The following MTMR7 variants were observed in gnomAD, a reference collection of about 807,000 sequenced individuals.
MTMR7 encodes the protein myotubularin related protein 7.
MTMR7 carries 76 observed loss-of-function variants against 81.2 expected under a neutral mutation model. The ratio of observed to expected loss-of-function variants is 0.94; its 90% CI spans 0.78 to 1.13. MTMR7 has a LOEUF of 1.13. Ranked by LOEUF, MTMR7 falls within the 50% of genes most tolerant of loss-of-function variation. MTMR7 has a pLI of 0.00. For missense variants in MTMR7, 1,044 were observed against 820.0 expected (o/e 1.27, Z -3.34); for synonymous variants, 372 against 289.8 (o/e 1.28, Z -2.88).
intron 5 of MTMR7, chr8:17,346,169 T>C (rs958449076): frequency 6.6e-6 from 1 of 152,144 alleles, no homozygotes; most frequent in African/African-American, 2.4e-5. Flanking sequence ...CCTAGTCAAA[T>C]CAGAAGCATT....
intron 4 of MTMR7, among the ~76,000 whole-genome samples, chr8:17,358,532 G>A (rs537469070): frequency 2.0e-5 from 3 of 152,162 alleles, no homozygotes; most frequent in African/African-American, 4.8e-5. Context: ...AGATAAATGC[G>A]AAATTTCACA....
chr8:17,374,825 T>A (rs1339479593), intron 1 of MTMR7, among the ~76,000 whole-genome samples: 1 of 150,334 alleles, frequency 6.7e-6, no homozygotes, highest in African/African-American at 2.5e-5. Flanking sequence ...AAAAAATAAA[T>A]AGGCCAGGCA....
At chr8:17,355,243 T>G (rs567568586) in intron 4 of MTMR7, among the ~76,000 whole-genome samples, 1 of 152,316 alleles carries the variant, frequency 6.6e-6, no homozygotes, top group East Asian at 1.9e-4. Context: ...GGATTTTCCT[T>G]TCTTTCAAGG....
intron 7 of MTMR7, among the ~76,000 whole-genome samples, chr8:17,320,930 C>G (rs1247938074): frequency 6.6e-6 from 1 of 152,220 alleles, no homozygotes; most frequent in African/African-American, 2.4e-5. Context: ...TACACACATT[C>G]CACTGCGTGA....
In MTMR7 at chr8:17,300,043, G is replaced by C. The variant is rs757206258; in HGVS notation, c.1802C>G (p.Ser601Cys). 2 of 1,614,142 alleles carry C rather than the reference G, an allele frequency of 1.2e-6. No individual in the cohort carries two copies. Among genetic ancestry groups the C allele is most frequent in the Non-Finnish European group, 1.7e-6 (2 of 1,180,020 alleles). ...SRSPSQGDED[S>C]ALILTQDNLK... Reference sequence around the variant, plus strand: ...ATTGTCTTGGGTTAGAATCAGAGCAGAATCTTCATCGCCTTGTGAAGGGCT... The same window carrying C: ...ATTGTCTTGGGTTAGAATCAGAGCACAATCTTCATCGCCTTGTGAAGGGCT... The change falls in exon 14 of 14, where the codon TCT becomes TGT. Residue 601 changes from serine to cysteine, a missense_variant. Ser to Cys is a moderately radical substitution (Grantham distance 112). Transcript: ENST00000180173.
intron 1 of MTMR7, among the ~76,000 whole-genome samples, chr8:17,375,607 G>C (rs1034546962): frequency 6.6e-6 from 1 of 151,750 alleles, no homozygotes; most frequent in African/African-American, 2.4e-5. Context: ...GCTACTGGGT[G>C]ATCAGCATTT....
chr8:17,365,946 G>C (rs1334826984), intron 3 of MTMR7, among the ~76,000 whole-genome samples: 1 of 152,156 alleles, frequency 6.6e-6, no homozygotes, highest in African/African-American at 2.4e-5. Flanking sequence ...CAAACACAGA[G>C]ATCCATGTTT....
intron 1 of MTMR7, among the ~76,000 whole-genome samples, chr8:17,385,846 T>G (rs1183159861): frequency 6.6e-6 from 1 of 152,122 alleles, no homozygotes; most frequent in African/African-American, 2.4e-5. Context: ...AGTACAAACT[T>G]TGGAACCATG....
chr8:17,367,598 A>G (rs1439107831), intron 3 of MTMR7, among the ~76,000 whole-genome samples: 1 of 152,234 alleles, frequency 6.6e-6, no homozygotes, highest in Admixed American at 6.5e-5. Flanking sequence ...AATTGTTATC[A>G]ATCTTTATTC....
chr8:17,353,833 C>T (rs374859917), intron 4 of MTMR7, among the ~76,000 whole-genome samples: 54 of 152,296 alleles, frequency 3.5e-4, no homozygotes, highest in African/African-American at 1.3e-3. Context: ...GCCCACATCC[C>T]TTGGTGCTGT....
chr8:17,371,045 G>A lies in MTMR7; in HGVS notation c.302C>T (p.Ala101Val). The change falls in exon 3 of 14, where the codon GCA becomes GTA. Residue 101 changes from alanine (A) to valine (V), a missense_variant. Transcript: ENST00000180173. ...GAGTTCCTCTGCCCTACCTGGCCTT[G>A]CAAGGCGTATCAGGGAGATGTACAC... ...HDVYISLIRL[A>V]RPVKYEELYC... 1 of 1,612,738 alleles carries A rather than the reference G, an allele frequency of 6.2e-7. No homozygotes were observed. The highest frequency in any genetic ancestry group is 8.5e-7 in the Non-Finnish European group (1 of 1,179,406).
chr8:17,314,916 G>A (rs1817982577), intron 7 of MTMR7, among the ~76,000 whole-genome samples: 1 of 152,162 alleles, frequency 6.6e-6, no homozygotes, highest in Non-Finnish European at 1.5e-5. Context: ...CAGGCAGGAA[G>A]ACACTATGTG....
At chr8:17,407,216 G>A (rs1034089101) in intron 1 of MTMR7, among the ~76,000 whole-genome samples, 3 of 151,770 alleles carry the variant, frequency 2.0e-5, no homozygotes, top group African/African-American at 7.3e-5. Context: ...AATTCAAAAA[G>A]TAACAAAATG....
chr8:17,347,581 T>C (rs1215641412), intron 5 of MTMR7, among the ~76,000 whole-genome samples: 1 of 152,180 alleles, frequency 6.6e-6, no homozygotes, highest in African/African-American at 2.4e-5. Flanking sequence ...TCCAGAAGTA[T>C]ATTATCTAGC....
At chr8:17,400,997 C>G (rs1025107916) in intron 1 of MTMR7, among the ~76,000 whole-genome samples, 1 of 152,052 alleles carries the variant, frequency 6.6e-6, no homozygotes, top group African/African-American at 2.4e-5. Context: ...AACACACGGT[C>G]TGTTATAGAA....
chr8:17,370,553 CAAAA>C (rs5889712), intron 3 of MTMR7, among the ~76,000 whole-genome samples: 540 of 30,854 alleles, frequency 0.018, 9 homozygotes, highest in African/African-American at 0.068. Context: ...AAAAGTGCCT[CAAAA>C]AAAAAAAAAA....
intron 7 of MTMR7, among the ~76,000 whole-genome samples, chr8:17,314,272 C>T (rs1817941626): frequency 1.3e-5 from 2 of 152,066 alleles, no homozygotes; most frequent in Admixed American, 6.5e-5. Context: ...ATCAAGAAAT[C>T]ATAGATTTCT....
chr8:17,399,465 G>C (rs1192239011), intron 1 of MTMR7, among the ~76,000 whole-genome samples: 1 of 152,174 alleles, frequency 6.6e-6, no homozygotes, highest in Non-Finnish European at 1.5e-5. Flanking sequence ...AAACGCTGAG[G>C]AAAGAAATTA....
In MTMR7 at chr8:17,356,435, T is replaced by C. The variant is rs532169384; in HGVS notation, c.468+4682A>G. Among the ~76,000 whole-genome samples the C allele has an allele frequency of 3.9e-5, 6 of 152,228 alleles. No homozygotes were observed. In the South Asian group the frequency reaches 1.2e-3, roughly 32 times the overall value. ...AACCTTGGGGTCCAGGCATGGTGGC[T>C]TGCCTGTAATCCCAACATTTTGGGA... On this transcript the variant is annotated intron_variant, in intron 4 of 13. Coordinates refer to ENST00000180173, the MANE Select transcript of MTMR7 (RefSeq NM_004686.5).
Sources: gnomAD v4.1 joint callset for allele counts (sites outside exome capture counted in the v4.1 genomes callset) on GRCh38, gnomAD v4.1.1 for gene constraint, MANE v1.5 for transcripts, NCBI Gene and HGNC (gene_info 2026-07-23, HGNC 2026-07-21) for gene names.